The following PRPF38A variants were observed in gnomAD, a reference collection of about 807,000 sequenced individuals.
PRPF38A encodes the protein pre-mRNA-splicing factor 38A.
PRPF38A carries 11 observed loss-of-function variants against 46.8 expected under a neutral mutation model. That is an observed-to-expected ratio of 0.24 (90% confidence interval 0.15 to 0.39). The LOEUF (loss-of-function observed/expected upper bound fraction) is 0.39. PRPF38A is among the 10% of genes least tolerant of loss of function. The pLI is 1.00. For synonymous variants in PRPF38A, 124 were observed against 136.2 expected, an observed-to-expected ratio of 0.91 and a Z score of 0.62; for missense variants, 261 against 407.5, an observed-to-expected ratio of 0.64 and a Z score of 3.10.
Position 52,416,640 on chromosome 1 carries a change from C to G in PRPF38A, c.897-8C>G. On this transcript the variant is annotated splice_region_variant and splice_polypyrimidine_tract_variant and intron_variant, in intron 9 of 9. Transcript: ENST00000257181. Reference sequence around the variant, plus strand: ...TAATATAATTATTTATATGTGTTGCCATTTCAGGTCTAAGAAGAGCCACAA... The same window carrying G: ...TAATATAATTATTTATATGTGTTGCGATTTCAGGTCTAAGAAGAGCCACAA... The G allele has an allele frequency of 6.2e-7, 1 of 1,609,714 alleles. No homozygotes were observed. Among genetic ancestry groups the G allele is most frequent in the Non-Finnish European group, 8.5e-7 (1 of 1,176,254 alleles).
intron 5 of PRPF38A, 81 bp downstream of exon 5, chr1:52,412,705 T>C: frequency 3.2e-6 from 3 of 944,054 alleles, no homozygotes; most frequent in Non-Finnish European, 4.9e-6. Flanking sequence ...AGACTTTAAT[T>C]TTTAACTCTA....
intron 9 of PRPF38A, among the ~76,000 whole-genome samples, chr1:52,415,726 A>AACC (rs1028729428): frequency 6.6e-6 from 1 of 150,556 alleles, no homozygotes; most frequent in African/African-American, 2.4e-5. Context: ...CATGGGGTTT[A>AACC]GTCCCAAGTT....
At chr1:52,413,677 C>T (rs1042356556) in intron 5 of PRPF38A, among the ~76,000 whole-genome samples, 3 of 152,140 alleles carry the variant, frequency 2.0e-5, no homozygotes, top group Non-Finnish European at 4.4e-5. Flanking sequence ...TCCTATGAGT[C>T]ATTTTGGCTG....
intron 6 of PRPF38A, 25 bp downstream of exon 6, chr1:52,414,016 C>T (rs1437909003): frequency 6.6e-7 from 1 of 1,507,620 alleles, no homozygotes; most frequent in East Asian, 2.3e-5. Flanking sequence ...TTGGCCTTTT[C>T]CCAGAAGATT....
In PRPF38A at chr1:52,404,732, A is replaced by G. The variant is rs1269279419; in HGVS notation, c.-18A>G. 2.5e-6 allele frequency: 4 copies of G among 1,611,358 alleles called. No individual in the cohort carries two copies. Among genetic ancestry groups the G allele is most frequent in the Non-Finnish European group, 3.4e-6 (4 of 1,178,860 alleles). ...GCATTAAAGGATCCGACGGAAATAGAATTGAAGGCATTCTAAAATGGCTAA... is the reference window on the plus strand; with the variant it reads ...GCATTAAAGGATCCGACGGAAATAGGATTGAAGGCATTCTAAAATGGCTAA... On this transcript the variant is annotated 5_prime_UTR_variant, in exon 1 of 10. Transcript: ENST00000257181.
intron 9 of PRPF38A, 79 bp downstream of exon 9, chr1:52,415,465 G>T: frequency 8.1e-7 from 1 of 1,227,824 alleles, no homozygotes; most frequent in Non-Finnish European, 1.2e-6. Flanking sequence ...TTCTTGTTTT[G>T]TTGGGGGATG....
chr1:52,412,814 A>G (rs1450399150), intron 5 of PRPF38A, among the ~76,000 whole-genome samples, 190 bp downstream of exon 5: 1 of 152,194 alleles, frequency 6.6e-6, no homozygotes, highest in African/African-American at 2.4e-5. Flanking sequence ...AGCCTGGCCA[A>G]CGTGGTGGTG....
rs1648106504 is a variant in PRPF38A at position 52,410,120 on chromosome 1, A to G, written c.413-995A>G. 1.6e-5 allele frequency among the ~76,000 whole-genome samples: 2 copies of G among 123,016 alleles called. 1 individual carries two copies. The highest frequency in any genetic ancestry group is 5.5e-4 in the South Asian group (2 of 3,620). The allele number at this position is 123,016 out of a possible 152,430, so 80.7% of individuals were successfully genotyped here. ...AATATATAAATATACATAATCATAT[A>G]TAATTTATATATAACATAATTTATA... On this transcript the variant is annotated intron_variant, in intron 3 of 9. Transcript: ENST00000257181.
Position 52,418,568 on chromosome 1 carries a change from A to G in PRPF38A, c.*1878A>G, listed in dbSNP as rs1238191525. 6.6e-6 allele frequency: 1 copy of G among 152,268 alleles called. No individual in the cohort carries two copies. The highest frequency in any genetic ancestry group is 2.4e-5 in the African/African-American group (1 of 41,466). The allele number at this position is 152,268 out of a possible 1,614,324, so 9.4% of individuals were successfully genotyped here. A position where few individuals can be genotyped will look rare whatever the true frequency, so the allele number is the denominator to read the frequency against. On this transcript the variant is annotated 3_prime_UTR_variant, in exon 10 of 10. Coordinates refer to ENST00000257181, the MANE Select transcript of PRPF38A (RefSeq NM_032864.4). ...CATACTTGTTTAGACATATGGTAAT[A>G]TGTGGACCAAAATTGAGGTACCACA...
intron 5 of PRPF38A, among the ~76,000 whole-genome samples, chr1:52,413,204 T>C (rs993029211): frequency 1.3e-5 from 2 of 152,070 alleles, no homozygotes; most frequent in Non-Finnish European, 2.9e-5. Flanking sequence ...CTTAGCAGAG[T>C]ATTGGCACAT....
intron 3 of PRPF38A, among the ~76,000 whole-genome samples, chr1:52,410,506 AT>A (rs535162950): frequency 0.089 from 12,709 of 142,680 alleles, 1,726 homozygotes; most frequent in African/African-American, 0.3. Flanking sequence ...TAGACATATA[AT>A]TTTTTTTTTT....
At chr1:52,411,044 C>T in intron 3 of PRPF38A, 71 bp from the exon 4 acceptor site, 3 of 1,096,040 alleles carry the variant, frequency 2.7e-6, no homozygotes, top group Non-Finnish European at 4.2e-6. Context: ...GAAGTCTTAA[C>T]ACTTCTTTTA....
chr1:52,414,953 C>A, intron 8 of PRPF38A, 94 bp downstream of exon 8: 1 of 1,134,224 alleles, frequency 8.8e-7, no homozygotes, highest in Non-Finnish European at 1.3e-6. Flanking sequence ...CCTGACTGTA[C>A]TGCCTAACAG....
chr1:52,420,402 CAAGT>C lies in PRPF38A; in HGVS notation c.*3714_*3717del, dbSNP rs1273724177. 1.3e-5 allele frequency: 2 copies of C among 152,050 alleles called. No homozygotes were observed. Among genetic ancestry groups the C allele is most frequent in the South Asian group, 2.1e-4 (1 of 4,828 alleles). 9.4% of individuals were successfully genotyped at this position (152,050 alleles called of 1,614,324 possible). On this transcript the variant is annotated 3_prime_UTR_variant, in exon 10 of 10. Coordinates refer to ENST00000257181, the MANE Select transcript of PRPF38A (RefSeq NM_032864.4). ...ATGAACACTGTCTATATAGAAATAA[CAAGT>C]AGAGTGTGCTGGTTTCATCTTTCAT...
rs1049355608 is a variant in PRPF38A at position 52,420,698 on chromosome 1, G to A, written c.*4008G>A. On this transcript the variant is annotated 3_prime_UTR_variant, in exon 10 of 10. Coordinates refer to ENST00000257181, the MANE Select transcript of PRPF38A (RefSeq NM_032864.4). ...TATATGTGCCTGTATGATTAAGAGA[G>A]ATGGTTGGAATGAATGAAGTTCACC... 3.9e-5 allele frequency: 6 copies of A among 152,174 alleles called. No homozygotes were observed. The highest frequency in any genetic ancestry group is 5.9e-5 in the Non-Finnish European group (4 of 68,022). The allele number at this position is 152,174 out of a possible 1,614,324, so 9.4% of individuals were successfully genotyped here.
rs1648322056 is a variant in PRPF38A, at chr1:52,417,386, C to T, written c.*696C>T. On this transcript the variant is annotated 3_prime_UTR_variant, in exon 10 of 10. Coordinates refer to ENST00000257181, the MANE Select transcript of PRPF38A (RefSeq NM_032864.4). ...TTTATCATATAAGCATTGACATTAT[C>T]CAGGCCTAGTCAGTAGCAGTAGGGT... The T allele has an allele frequency of 6.6e-6, 1 of 152,180 alleles. No individual in the cohort carries two copies. The highest frequency in any genetic ancestry group is 2.1e-4 in the South Asian group (1 of 4,828). The allele number at this position is 152,180 out of a possible 1,614,324, so 9.4% of individuals were successfully genotyped here.
At chr1:52,408,231 CT>C (rs1648053920) in intron 2 of PRPF38A, 1 of 384,996 alleles carries the variant, frequency 2.6e-6, no homozygotes, top group African/African-American at 2.1e-5. Flanking sequence ...CAGAGCAAGA[CT>C]CTGCCTTAAA....
chr1:52,416,102 G>A (rs1648285430), intron 9 of PRPF38A, among the ~76,000 whole-genome samples: 1 of 152,020 alleles, frequency 6.6e-6, no homozygotes, highest in South Asian at 2.1e-4. Flanking sequence ...GTCTCCCAAA[G>A]TGCTGGGATT....
intron 9 of PRPF38A, among the ~76,000 whole-genome samples, chr1:52,415,812 C>T (rs1321060667): frequency 6.8e-6 from 1 of 146,572 alleles, no homozygotes; most frequent in African/African-American, 2.6e-5. Flanking sequence ...CCCCATGTGC[C>T]ATATACCGTT....
Sources: allele counts gnomAD v4.1 joint callset (sites outside exome capture counted in the v4.1 genomes callset), GRCh38; gene constraint gnomAD v4.1.1; transcripts MANE v1.5; gene names NCBI Gene and HGNC (gene_info 2026-07-23, HGNC 2026-07-21).